NRIP1: variants seen among roughly 807,000 people sequenced by gnomAD.
NRIP1 encodes nuclear receptor-interacting protein 1.
NRIP1 carries 28 observed loss-of-function variants against 75.0 expected under a neutral mutation model. That is an observed-to-expected ratio of 0.37 (90% CI 0.28 to 0.51). The LOEUF (loss-of-function observed/expected upper bound fraction) is 0.51. NRIP1 is among the 20% of genes least tolerant of loss of function. The probability of loss-of-function intolerance (pLI) is 0.92; values close to 1 mark genes in which losing one functional copy is unlikely to be tolerated. For synonymous variants in NRIP1, 526 were observed against 487.6 expected, an observed-to-expected ratio of 1.08 and a Z score of -1.04; for missense variants, 1,435 against 1,343.7, an observed-to-expected ratio of 1.07 and a Z score of -1.06.
intron 1 of NRIP1, 63 bp downstream of exon 1, chr21:15,064,682 G>C (rs1051998922): frequency 2.0e-5 from 3 of 150,344 alleles, no homozygotes; most frequent in African/African-American, 4.9e-5. Context: ...CCGCGCTCCC[G>C]GGCCGTTTCC....
chr21:15,041,571 T>C (rs184392058), intron 2 of NRIP1, among the ~76,000 whole-genome samples: 41 of 152,326 alleles, frequency 2.7e-4, no homozygotes, highest in African/African-American at 8.7e-4. Context: ...ATCTTGAATA[T>C]ACATGGGAAT....
intron 2 of NRIP1, among the ~76,000 whole-genome samples, chr21:15,038,900 A>C (rs756155414): frequency 7.2e-5 from 11 of 152,116 alleles, no homozygotes; most frequent in African/African-American, 2.4e-4. Context: ...ATTAGTAACG[A>C]ACGCAACAGA....
At chr21:15,057,847 G>A (rs2089339563) in intron 1 of NRIP1, among the ~76,000 whole-genome samples, 1 of 152,166 alleles carries the variant, frequency 6.6e-6, no homozygotes, top group Admixed American at 6.5e-5. Flanking sequence ...AAGACAAAAT[G>A]TGTGTAAAGC....
intron 1 of NRIP1, among the ~76,000 whole-genome samples, chr21:15,053,706 C>A (rs1427928626): frequency 2.0e-5 from 3 of 152,146 alleles, no homozygotes; most frequent in Non-Finnish European, 4.4e-5. Flanking sequence ...CATTTTTCTG[C>A]CCTTTTACTT....
intron 1 of NRIP1, among the ~76,000 whole-genome samples, chr21:15,049,357 T>C (rs2089155031): frequency 6.6e-6 from 1 of 152,122 alleles, no homozygotes; most frequent in Admixed American, 6.5e-5. Flanking sequence ...AGAGGTACAA[T>C]AGATTGACAG....
At chr21:15,011,885 C>T (rs2147163046) in intron 3 of NRIP1, among the ~76,000 whole-genome samples, 1 of 152,270 alleles carries the variant, frequency 6.6e-6, no homozygotes, top group Middle Eastern at 3.4e-3. Flanking sequence ...GATTGTATCT[C>T]TTTCAAAAGA....
At chr21:15,003,381 T>C (rs772839138) in intron 3 of NRIP1, among the ~76,000 whole-genome samples, 51 of 152,206 alleles carry the variant, frequency 3.4e-4, no homozygotes, top group Non-Finnish European at 7.2e-4. Flanking sequence ...GCACTTTTTC[T>C]ATTTCTTAAA....
chr21:14,965,757 A>G lies in NRIP1; in HGVS notation c.2436T>C (p.Ser812=), dbSNP rs1366980120. 1.2e-6 allele frequency: 2 copies of G among 1,613,916 alleles called. No individual in the cohort carries two copies. The highest frequency in any genetic ancestry group is 1.7e-6 in the Non-Finnish European group (2 of 1,179,982). The stretch of plus-strand genomic sequence containing the variant: ...GACTTAGCAGACCATTCTTGGAGAA[A>G]GAAAAATCCTGAGGTGAAACAGGCT... ...KSEPVSPQDF[S]FSKNGLLSRL... Residue 812 remains serine, a synonymous_variant, in exon 4 of 4, where the codon TCT becomes TCC. Coordinates refer to ENST00000318948, the MANE Select transcript of NRIP1 (RefSeq NM_003489.4).
intron 1 of NRIP1, among the ~76,000 whole-genome samples, chr21:15,048,018 C>A (rs1351705773): frequency 2.0e-5 from 3 of 152,038 alleles, no homozygotes; most frequent in African/African-American, 4.8e-5. Flanking sequence ...AACAGGGAAT[C>A]CCAAGGAAAG....
chr21:15,003,476 T>C (rs2087895141), intron 3 of NRIP1, among the ~76,000 whole-genome samples: 1 of 152,234 alleles, frequency 6.6e-6, no homozygotes, highest in South Asian at 2.1e-4. Context: ...GCATTTGTCC[T>C]TGACACACTG....
chr21:14,965,687 C>T lies in NRIP1; in HGVS notation c.2506G>A (p.Asp836Asn), dbSNP rs2086715157. ...NQDSYLADDS[D>N]RSHRNNEMAL... is the part of the protein sequence containing the mutation. ...ATTTCATTATTTCTGTGACTCCTGT[C>T]TGAATCATCTGCCAGGTAACTATCT... Residue 836 changes from aspartate (D) to asparagine (N), a missense_variant, in exon 4 of 4, where the codon GAC becomes AAC. Coordinates refer to ENST00000318948, the MANE Select transcript of NRIP1 (RefSeq NM_003489.4). The T allele has an allele frequency of 1.2e-6, 2 of 1,613,690 alleles. No homozygotes were observed. Among genetic ancestry groups the T allele is most frequent in the Non-Finnish European group, 1.7e-6 (2 of 1,179,958 alleles).
chr21:15,022,903 A>C (rs985195598), intron 2 of NRIP1, among the ~76,000 whole-genome samples: 7 of 152,272 alleles, frequency 4.6e-5, no homozygotes, highest in African/African-American at 1.4e-4. Context: ...AGTCACAAAA[A>C]GGAATGAAGT....
chr21:14,986,276 T>C (rs1410377786), intron 3 of NRIP1, among the ~76,000 whole-genome samples: 4 of 152,222 alleles, frequency 2.6e-5, no homozygotes, highest in Non-Finnish European at 5.9e-5. Context: ...ATGAAAAAAG[T>C]AGTGAAATTC....
intron 2 of NRIP1, among the ~76,000 whole-genome samples, chr21:15,031,662 T>A (rs1263965626): frequency 1.2e-5 from 1 of 86,852 alleles, no homozygotes. Flanking sequence ...CTACATTCCC[T>A]TTCTATGTGT....
Position 14,964,141 on chromosome 21 carries a change from C to T in NRIP1, c.*575G>A, listed in dbSNP as rs544400765. Reference sequence around the variant, plus strand: ...GGTGGGACAGACACATTGGGAACCACAAAACCTCTTCCAAGAGTTAAAAAT... The same window carrying T: ...GGTGGGACAGACACATTGGGAACCATAAAACCTCTTCCAAGAGTTAAAAAT... On this transcript the variant is annotated 3_prime_UTR_variant, in exon 4 of 4. Transcript: ENST00000318948. The T allele has an allele frequency of 6.6e-6, 1 of 150,594 alleles. No homozygotes were observed. Among genetic ancestry groups the T allele is most frequent in the Admixed American group, 6.7e-5 (1 of 14,984 alleles). 9.3% of individuals were successfully genotyped at this position (150,594 alleles called of 1,614,324 possible).
intron 1 of NRIP1, among the ~76,000 whole-genome samples, chr21:15,048,967 T>C (rs758750982): frequency 5.3e-5 from 8 of 150,268 alleles, no homozygotes; most frequent in Non-Finnish European, 1.0e-4. Context: ...TACAAATACA[T>C]ACACACACAC....
At position 14,967,731 on chromosome 21, in the gene NRIP1, C is replaced by A. The variant is rs1410750828; in HGVS notation, c.462G>T (p.Arg154Ser). The change falls in exon 4 of 4, where the codon AGG becomes AGT. Residue 154 changes from arginine to serine, a missense_variant. Transcript: ENST00000318948. The stretch of plus-strand genomic sequence containing the variant: ...CATATCCTTGCTCCTTGAGGCTCTG[C>A]CTGATTTGTTGTGACAGAGCAACAG... ...LQTVALSQQI[R>S]QSLKEQGYAL... is the part of the protein sequence containing the mutation. The A allele has an allele frequency of 1.9e-6, 3 of 1,614,042 alleles. No individual in the cohort carries two copies. The highest frequency in any genetic ancestry group is 2.5e-6 in the Non-Finnish European group (3 of 1,180,034).
chr21:15,042,882 C>A (rs967323845), intron 2 of NRIP1, among the ~76,000 whole-genome samples: 1 of 152,326 alleles, frequency 6.6e-6, no homozygotes, highest in African/African-American at 2.4e-5. Context: ...TTTAACATAA[C>A]CTTCCTTCCT....
intron 2 of NRIP1, among the ~76,000 whole-genome samples, chr21:15,037,229 T>C (rs1348031186): frequency 6.6e-6 from 1 of 152,168 alleles, no homozygotes; most frequent in Non-Finnish European, 1.5e-5. Flanking sequence ...ACCTGTAAAT[T>C]TCTAACACAC....
Sources: allele counts gnomAD v4.1 joint callset (sites outside exome capture counted in the v4.1 genomes callset), GRCh38; gene constraint gnomAD v4.1.1; transcripts MANE v1.5; gene names NCBI Gene and HGNC (gene_info 2026-07-23, HGNC 2026-07-21).